UBA5: variants seen among roughly 807,000 people sequenced by gnomAD.
The protein encoded by UBA5 is ubiquitin-like modifier-activating enzyme 5.
UBA5 carries 28 observed loss-of-function variants against 52.9 expected under a neutral mutation model. The ratio of observed to expected loss-of-function variants is 0.53; its 90% confidence interval spans 0.39 to 0.73. The LOEUF (loss-of-function observed/expected upper bound fraction) is 0.73. UBA5 is among the 30% of genes least tolerant of loss of function. UBA5 has a pLI of 0.00. For synonymous variants in UBA5, 135 were observed against 162.1 expected (o/e 0.83, Z 1.27); for missense variants, 388 against 492.7 (o/e 0.79, Z 2.01).
chr3:132,675,187 G>A, intron 8 of UBA5, 61 bp from the exon 9 acceptor site: 1 of 1,214,268 alleles, frequency 8.2e-7, no homozygotes, highest in Non-Finnish European at 1.1e-6. Context: ...AAAAAATTTA[G>A]GTGTTCTAGT....
At chr3:132,667,645 A>C (rs1032564733) in intron 3 of UBA5, 9 of 152,176 alleles carry the variant, frequency 5.9e-5, no homozygotes, top group African/African-American at 2.2e-4. Flanking sequence ...GGATCTCTTT[A>C]AAGTATCTGG....
At chr3:132,661,265 C>G (rs973643218) in intron 1 of UBA5, among the ~76,000 whole-genome samples, 1 of 152,170 alleles carries the variant, frequency 6.6e-6, no homozygotes. Context: ...AGGGTAAGGA[C>G]TCTACCGCCA....
At chr3:132,661,186 C>G (rs1938146175) in intron 1 of UBA5, 1 of 563,634 alleles carries the variant, frequency 1.8e-6, no homozygotes, top group African/African-American at 2.0e-5. Context: ...CAAGACTGCC[C>G]AGGCCTCTCT....
At chr3:132,658,767 C>G (rs960475095), upstream of UBA5, among the ~76,000 whole-genome samples, 1 of 152,156 alleles carries the variant, frequency 6.6e-6, no homozygotes, top group Non-Finnish European at 1.5e-5. Flanking sequence ...AATATAAATG[C>G]TAGTGATAAA....
intron 3 of UBA5, 167 bp downstream of exon 3, chr3:132,666,240 G>A (rs892422361): frequency 1.7e-6 from 1 of 580,202 alleles, no homozygotes; most frequent in African/African-American, 1.9e-5. Context: ...CCAAACAAAA[G>A]GTGATATTAG....
At chr3:132,658,721 T>A (rs972868740), upstream of UBA5, among the ~76,000 whole-genome samples, 1 of 152,244 alleles carries the variant, frequency 6.6e-6, no homozygotes, top group Non-Finnish European at 1.5e-5. Context: ...TCTCATTTAT[T>A]ATTATTTTCA....
Position 132,675,325 on chromosome 3 carries a change from T to C in UBA5, c.890T>C (p.Met297Thr), listed in dbSNP as rs1938790519. 2 of 1,613,648 alleles carry C rather than the reference T, an allele frequency of 1.2e-6. No homozygotes were observed. Among genetic ancestry groups the C allele is most frequent in the Non-Finnish European group, 1.7e-6 (2 of 1,179,810 alleles). The change falls in exon 9 of 12, where the codon ATG (methionine) becomes ACG (threonine). Residue 297 changes from methionine (M) to threonine (T), a missense_variant. Physicochemically the swap from Met to Thr is moderately conservative, Grantham distance 81. Transcript: ENST00000356232. The stretch of plus-strand genomic sequence containing the variant: ...CAGGATTTTTTTCCTACTATGTCCA[T>C]GAAGCCAAATCCTCAGTGTGATGAC... ...AMQDFFPTMSMKPNPQCDDRN... is the reference protein window; with the variant it reads ...AMQDFFPTMSTKPNPQCDDRN...
intron 8 of UBA5, among the ~76,000 whole-genome samples, chr3:132,674,379 C>T (rs558375940): frequency 1.3e-5 from 2 of 152,184 alleles, no homozygotes; most frequent in African/African-American, 4.8e-5. Flanking sequence ...ATTACTTTTG[C>T]GCCAACCTAA....
intron 8 of UBA5, among the ~76,000 whole-genome samples, chr3:132,672,928 T>C (rs1346287273): frequency 6.6e-6 from 1 of 152,216 alleles, no homozygotes; most frequent in Non-Finnish European, 1.5e-5. Context: ...ATTCAGGCTA[T>C]TTATTTTCCC....
chr3:132,673,276 ATTCTT>A, intron 8 of UBA5, among the ~76,000 whole-genome samples: 1 of 152,250 alleles, frequency 6.6e-6, no homozygotes, highest in South Asian at 2.1e-4. Context: ...AGGCTACTTA[ATTCTT>A]TTCTTTTTTA....
Position 132,676,744 on chromosome 3 carries a change from C to G in UBA5, c.*218C>G. The G allele has an allele frequency of 1.7e-6, 1 of 595,582 alleles. No homozygotes were observed. Among genetic ancestry groups the G allele is most frequent in the Non-Finnish European group, 3.1e-6 (1 of 318,240 alleles). 36.9% of individuals were successfully genotyped at this position (595,582 alleles called of 1,614,324 possible). ...GTGTTTCATTCTAGTAAGAAAACCT[C>G]AAAGGATATTGTAGGATATAAATCT... On this transcript the variant is annotated 3_prime_UTR_variant, in exon 12 of 12. Transcript: ENST00000356232. The surrounding 1 kb of genome is among the most constrained non-coding windows in gnomAD (Gnocchi z 4.1).
Position 132,660,638 on chromosome 3 carries a change from G to C in UBA5, c.101G>C (p.Gly34Ala). 1 of 1,570,150 alleles carries C rather than the reference G, an allele frequency of 6.4e-7. No individual in the cohort carries two copies. The highest frequency in any genetic ancestry group is 1.2e-5 in the South Asian group (1 of 85,270). Residue 34 changes from glycine to alanine, a missense_variant, in exon 1 of 12, where the codon GGG becomes GCG. Coordinates refer to ENST00000356232, the MANE Select transcript of UBA5 (RefSeq NM_024818.6). This position sits in a 1 kb window ranked among gnomAD's most constrained non-coding sequence, Gnocchi z 4.1. ...SLQVPRSGDG[G>A]GGRVRIEKMS... ...CAGGTCCCGAGGAGCGGCGACGGAG[G>C]GGGCGGCCGGGTCCGCATCGAGAAG...
chr3:132,671,104 A>G, intron 6 of UBA5, 55 bp downstream of exon 6: 1 of 1,452,554 alleles, frequency 6.9e-7, no homozygotes, highest in East Asian at 2.3e-5. Flanking sequence ...TTTCCTGTAT[A>G]TTCTATCAGT....
rs1303071494 is a variant in UBA5, at chr3:132,675,932, A to G, written c.1131+9A>G. 1 of 1,543,150 alleles carries G rather than the reference A, an allele frequency of 6.5e-7. No individual in the cohort carries two copies. The highest frequency in any genetic ancestry group is 8.9e-7 in the Non-Finnish European group (1 of 1,128,314). On this transcript the variant is annotated intron_variant, in intron 11 of 11. Transcript: ENST00000356232. ...ACACAATTCCAAAAAAGGTACTTCA[A>G]AAATATGATTTACCCATATGTAAAT...
chr3:132,664,874 A>T (rs531832086), intron 1 of UBA5, among the ~76,000 whole-genome samples: 1 of 152,304 alleles, frequency 6.6e-6, no homozygotes, highest in East Asian at 1.9e-4. Flanking sequence ...CCTCATGAAT[A>T]TGAATGTATC....
At chr3:132,674,749 A>G (rs1457492632) in intron 8 of UBA5, among the ~76,000 whole-genome samples, 3 of 152,150 alleles carry the variant, frequency 2.0e-5, no homozygotes, top group African/African-American at 7.2e-5. Context: ...AATGTTCTGT[A>G]TCTTGATCTG....
intron 1 of UBA5, among the ~76,000 whole-genome samples, chr3:132,661,399 A>T (rs1420172582): frequency 6.6e-6 from 1 of 152,212 alleles, no homozygotes; most frequent in African/African-American, 2.4e-5. Context: ...TATCTCTGTC[A>T]TAGTTGTGGG....
intron 4 of UBA5, among the ~76,000 whole-genome samples, chr3:132,669,189 A>G (rs1938499654): frequency 6.6e-6 from 1 of 152,192 alleles, no homozygotes; most frequent in African/African-American, 2.4e-5. Flanking sequence ...ACAAACATGA[A>G]TGAGCATGTC....
In UBA5 at chr3:132,678,372, T is replaced by G. The variant is rs1461542363; in HGVS notation, c.*1846T>G. On this transcript the variant is annotated 3_prime_UTR_variant, in exon 12 of 12. Coordinates refer to ENST00000356232, the MANE Select transcript of UBA5 (RefSeq NM_024818.6). ...TAATCATCATTGAATTTAGTATTAC[T>G]AAACTCATAGCATTTGTCCAGATTT... Among the ~76,000 whole-genome samples, 1 of 152,222 alleles carries G rather than the reference T, an allele frequency of 6.6e-6. No individual in the cohort carries two copies. The highest frequency in any genetic ancestry group is 1.9e-4 in the East Asian group (1 of 5,204).
Sources: gnomAD v4.1 joint callset for allele counts (sites outside exome capture counted in the v4.1 genomes callset) on GRCh38, gnomAD v4.1.1 for gene constraint, Gnocchi (gnomAD v3.1) non-coding constraint, MANE v1.5 for transcripts, NCBI Gene and HGNC (gene_info 2026-07-23, HGNC 2026-07-21) for gene names.